Variants in CDH6 observed in about 807,000 individuals in gnomAD.
The protein encoded by CDH6 is cadherin 6.
Under a neutral mutation model 78.0 loss-of-function variants are expected in CDH6, and 31 were observed. The observed-to-expected ratio is 0.40, with a 90% CI of 0.30 to 0.54. The LOEUF (loss-of-function observed/expected upper bound fraction) is 0.54. Among genes scored for constraint, CDH6 ranks in the 20% least tolerant of loss-of-function variants. The pLI is 0.56. For synonymous variants in CDH6, 376 were observed against 368.8 expected (o/e 1.02, Z -0.23); for missense variants, 724 against 975.9 (o/e 0.74, Z 3.44).
chr5:31,263,285 T>C (rs2149931273), intron 1 of CDH6, among the ~76,000 whole-genome samples: 1 of 148,594 alleles, frequency 6.7e-6, no homozygotes, highest in Middle Eastern at 3.5e-3. Context: ...TTCCAGACAG[T>C]TTTGCTCTTG....
At chr5:31,240,265 T>C (rs1741562564) in intron 1 of CDH6, among the ~76,000 whole-genome samples, 1 of 152,218 alleles carries the variant, frequency 6.6e-6, no homozygotes, top group Admixed American at 6.5e-5. Context: ...TTTTTTTCCT[T>C]CTATAGCATT....
chr5:31,316,186 C>A (rs374986512), intron 8 of CDH6, 22 bp from the exon 9 acceptor site: 1 of 1,588,412 alleles, frequency 6.3e-7, no homozygotes, highest in Non-Finnish European at 8.5e-7. Context: ...ATGCCTTTTT[C>A]TTTCTTTTTG....
At chr5:31,301,445 TAAA>T (rs894081050) in intron 5 of CDH6, among the ~76,000 whole-genome samples, 4 of 152,168 alleles carry the variant, frequency 2.6e-5, no homozygotes, top group African/African-American at 9.7e-5. Flanking sequence ...ATATTTTTTT[TAAA>T]AAGTGTCTAT....
At chr5:31,274,586 G>A (rs777539684) in intron 2 of CDH6, among the ~76,000 whole-genome samples, 11 of 152,212 alleles carry the variant, frequency 7.2e-5, no homozygotes, top group East Asian at 1.9e-4. Flanking sequence ...TTGGGAGGCC[G>A]AGGCAGGCAT....
chr5:31,224,654 A>G (rs2111838381), intron 1 of CDH6, among the ~76,000 whole-genome samples: 1 of 152,194 alleles, frequency 6.6e-6, no homozygotes, highest in African/African-American at 2.4e-5. Context: ...CCTAAGCTCA[A>G]GTGATCCTCC....
intron 1 of CDH6, among the ~76,000 whole-genome samples, chr5:31,256,931 T>C (rs1742071306): frequency 6.6e-6 from 1 of 152,130 alleles, no homozygotes; most frequent in Non-Finnish European, 1.5e-5. Context: ...TTGTCTGAGA[T>C]CACAAGAGAA....
At chr5:31,200,077 C>G (rs1740308848) in intron 1 of CDH6, among the ~76,000 whole-genome samples, 1 of 152,006 alleles carries the variant, frequency 6.6e-6, no homozygotes, top group African/African-American at 2.4e-5. Context: ...TTATTTTGAC[C>G]AGAGCTTGGC....
chr5:31,263,219 AGGG>A (rs1410344271), intron 1 of CDH6, among the ~76,000 whole-genome samples: 4 of 148,652 alleles, frequency 2.7e-5, no homozygotes, highest in African/African-American at 9.9e-5. Context: ...TCACATGGTG[AGGG>A]GGCTCAGCAT....
At chr5:31,229,114 A>G (rs1359077325) in intron 1 of CDH6, among the ~76,000 whole-genome samples, 2 of 152,174 alleles carry the variant, frequency 1.3e-5, no homozygotes, top group East Asian at 3.9e-4. Context: ...AACTGCCCAA[A>G]CTATATCATT....
intron 9 of CDH6, among the ~76,000 whole-genome samples, chr5:31,316,943 C>T (rs1738342177): frequency 6.6e-6 from 1 of 152,160 alleles, no homozygotes; most frequent in African/African-American, 2.4e-5. Context: ...GACAGACTGT[C>T]CAAAGAGCAC....
At chr5:31,201,155 T>A (rs1740339455) in intron 1 of CDH6, among the ~76,000 whole-genome samples, 1 of 152,150 alleles carries the variant, frequency 6.6e-6, no homozygotes, top group Admixed American at 6.5e-5. Flanking sequence ...TTTATAATTA[T>A]TCTGTGAAGG....
chr5:31,206,204 T>C (rs1740517402), intron 1 of CDH6, among the ~76,000 whole-genome samples: 2 of 152,090 alleles, frequency 1.3e-5, no homozygotes, highest in African/African-American at 4.8e-5. Context: ...GATGGATACA[T>C]AGAAAATAGA....
intron 6 of CDH6, among the ~76,000 whole-genome samples, chr5:31,304,683 CAAAA>C (rs11398035): frequency 2.9e-5 from 2 of 67,922 alleles, no homozygotes; most frequent in South Asian, 7.2e-4. Context: ...GACTCCGTCT[CAAAA>C]AAAAAAAAAA....
intron 2 of CDH6, among the ~76,000 whole-genome samples, chr5:31,278,390 A>G (rs562171228): frequency 6.6e-6 from 1 of 152,322 alleles, no homozygotes; most frequent in South Asian, 2.1e-4. Context: ...TCCGTGCACA[A>G]ACTAACAAGA....
At position 31,302,958 on chromosome 5, in the gene CDH6, G is replaced by GAAAGAAAGAAAGAAAGAAA. The variant is rs1561066578; in HGVS notation, c.999+660_999+661insAAAGAAAGAAAGAAAGAAA. On this transcript the variant is annotated intron_variant, in intron 6 of 11. Coordinates refer to ENST00000265071, the MANE Select transcript of CDH6 (RefSeq NM_004932.4). ...AAGAAAGAAAGAAAGAAAGAAAGAAGGAAAGAAAAGAAAGAAAGAAAGAAA... is the reference window on the plus strand; with the variant it reads ...AAGAAAGAAAGAAAGAAAGAAAGAAGAAAGAAAGAAAGAAAGAAAGAAAGAAAAGAAAGAAAGAAAGAAA... Among the ~76,000 whole-genome samples, 19 of 106,144 alleles carry GAAAGAAAGAAAGAAAGAAA rather than the reference G, an allele frequency of 1.8e-4. 1 individual carries two copies. Among genetic ancestry groups the GAAAGAAAGAAAGAAAGAAA allele is most frequent in the East Asian group, 1.7e-3 (7 of 4,134 alleles). The allele number at this position is 106,144 out of a possible 152,430, so 69.6% of individuals were successfully genotyped here.
chr5:31,235,820 T>C (rs1741440569), intron 1 of CDH6, among the ~76,000 whole-genome samples: 1 of 152,218 alleles, frequency 6.6e-6, no homozygotes, highest in African/African-American at 2.4e-5. Flanking sequence ...AGAATATTGT[T>C]TTAATTATGG....
At position 31,267,044 on chromosome 5, in the gene CDH6, T is replaced by A. The variant is rs531623659; in HGVS notation, c.-128-302T>A. 4.6e-5 allele frequency among the ~76,000 whole-genome samples: 7 copies of A among 152,332 alleles called. 1 individual carries two copies. The South Asian group carries it at 1.5e-3, about 32-fold the overall frequency. ...TTTTTCTACCAGATCTCAGCCCACA[T>A]ATTCCAAGGTAAAAGAGTAGCGCAA... is the stretch of plus-strand genomic sequence containing the variant. On this transcript the variant is annotated intron_variant, in intron 1 of 11. Transcript: ENST00000265071.
At chr5:31,317,638 C>T in intron 10 of CDH6, 35 bp from the exon 11 acceptor site, 1 of 1,595,022 alleles carries the variant, frequency 6.3e-7, no homozygotes, top group Non-Finnish European at 8.6e-7. Flanking sequence ...GACGCAGTAT[C>T]CACATACATT....
Position 31,267,458 on chromosome 5 carries a change from C to T in CDH6, c.-16C>T, listed in dbSNP as rs774726977. 6.2e-7 allele frequency: 1 copy of T among 1,602,442 alleles called. No individual in the cohort carries two copies. Among genetic ancestry groups the T allele is most frequent in the Non-Finnish European group, 8.6e-7 (1 of 1,169,472 alleles). ...GTGGGGCACTCACTACGCACAGACT[C>T]GACGGTGCCATCAGCATGAGAACTT... On this transcript the variant is annotated 5_prime_UTR_variant, in exon 2 of 12. Coordinates refer to ENST00000265071, the MANE Select transcript of CDH6 (RefSeq NM_004932.4).
Sources: allele counts gnomAD v4.1 joint callset (sites outside exome capture counted in the v4.1 genomes callset), GRCh38; gene constraint gnomAD v4.1.1; transcripts MANE v1.5; gene names NCBI Gene and HGNC (gene_info 2026-07-23, HGNC 2026-07-21).